CDH13: variants seen among roughly 807,000 people sequenced by gnomAD.
CDH13 encodes the protein cadherin-13.
Under a neutral mutation model 63.8 loss-of-function variants are expected in CDH13, and 24 were observed. That is an observed-to-expected ratio of 0.38 (90% CI 0.27 to 0.53). CDH13 has a LOEUF of 0.53. CDH13 is among the 20% of genes least tolerant of loss of function. The pLI is 0.85. For synonymous variants in CDH13, 503 were observed against 355.3 expected, an observed-to-expected ratio of 1.42 and a Z score of -4.67; for missense variants, 1,049 against 903.1, an observed-to-expected ratio of 1.16 and a Z score of -2.07.
At chr16:83,117,115 A>G (rs939607498) in intron 3 of CDH13, among the ~76,000 whole-genome samples, 4 of 152,236 alleles carry the variant, frequency 2.6e-5, no homozygotes, top group African/African-American at 9.6e-5. Context: ...TATTCTCCAC[A>G]AAGCAGCTAT....
chr16:83,226,794 C>T (rs1320245404), intron 5 of CDH13, among the ~76,000 whole-genome samples: 3 of 152,184 alleles, frequency 2.0e-5, no homozygotes, highest in African/African-American at 7.2e-5. Flanking sequence ...GATTCCCTGG[C>T]TATGACGAGC....
chr16:83,700,188 C>T (rs1906008408), intron 10 of CDH13, among the ~76,000 whole-genome samples: 1 of 152,144 alleles, frequency 6.6e-6, no homozygotes, highest in South Asian at 2.1e-4. Context: ...AAAGTATGCC[C>T]TCTTTTTTGT....
chr16:83,735,830 G>A (rs778985749), intron 10 of CDH13: 66 of 152,202 alleles, frequency 4.3e-4, no homozygotes, highest in African/African-American at 1.6e-3. Context: ...TATAGGCCTG[G>A]TCGGGAGTTC....
chr16:82,674,303 C>T (rs1353309979), intron 1 of CDH13, among the ~76,000 whole-genome samples: 1 of 152,158 alleles, frequency 6.6e-6, no homozygotes, highest in Non-Finnish European at 1.5e-5. Flanking sequence ...ATGAAGATCC[C>T]TTTCTTCAGG....
intron 4 of CDH13, among the ~76,000 whole-genome samples, chr16:83,163,997 CAT>C (rs1311474891): frequency 1.3e-5 from 2 of 151,956 alleles, no homozygotes; most frequent in Non-Finnish European, 2.9e-5. Context: ...ATTTTGCAAA[CAT>C]TATCTAATTT....
intron 1 of CDH13, among the ~76,000 whole-genome samples, chr16:82,817,424 G>A (rs1171426186): frequency 6.6e-6 from 1 of 152,124 alleles, no homozygotes; most frequent in African/African-American, 2.4e-5. Context: ...TACCTCCAAG[G>A]AGAAGGGATG....
intron 5 of CDH13, among the ~76,000 whole-genome samples, chr16:83,316,468 G>T (rs139971750): frequency 6.6e-6 from 1 of 152,320 alleles, no homozygotes; most frequent in African/African-American, 2.4e-5. Context: ...TACCGCTAGA[G>T]CTGGAGATCA....
chr16:82,903,639 G>T (rs138315899), intron 2 of CDH13, among the ~76,000 whole-genome samples: 1 of 152,070 alleles, frequency 6.6e-6, no homozygotes, highest in Non-Finnish European at 1.5e-5. Context: ...TTTAATTGCC[G>T]TGGAAACTTT....
At chr16:82,975,914 C>G (rs1267854849) in intron 2 of CDH13, among the ~76,000 whole-genome samples, 1 of 152,094 alleles carries the variant, frequency 6.6e-6, no homozygotes, top group African/African-American at 2.4e-5. Flanking sequence ...TTACTGACAT[C>G]TCTCCTCCAA....
At chr16:83,570,824 AAAT>A (rs1350465606) in intron 7 of CDH13, among the ~76,000 whole-genome samples, 1 of 117,200 alleles carries the variant, frequency 8.5e-6, no homozygotes, top group East Asian at 2.5e-4. Flanking sequence ...TTATAAATAT[AAAT>A]AAAAATTTAT....
chr16:83,536,386 A>T (rs1403872630), intron 7 of CDH13, among the ~76,000 whole-genome samples: 1 of 152,126 alleles, frequency 6.6e-6, no homozygotes, highest in South Asian at 2.1e-4. Context: ...TGTGGACGTG[A>T]TCCTTGGGGT....
At chr16:83,573,006 C>G (rs1904784664) in intron 7 of CDH13, among the ~76,000 whole-genome samples, 1 of 152,112 alleles carries the variant, frequency 6.6e-6, no homozygotes, top group South Asian at 2.1e-4. Context: ...TCTTTTTAGG[C>G]CTTGAACACG....
At chr16:83,283,056 A>G (rs558863040) in intron 5 of CDH13, among the ~76,000 whole-genome samples, 29 of 152,354 alleles carry the variant, frequency 1.9e-4, no homozygotes, top group African/African-American at 7.0e-4. Context: ...TTAGAAGAAG[A>G]AAAGTTCCCA....
chr16:83,663,305 A>C (rs893061261), intron 8 of CDH13, among the ~76,000 whole-genome samples: 1 of 152,152 alleles, frequency 6.6e-6, no homozygotes, highest in Non-Finnish European at 1.5e-5. Context: ...CAAATGTTTT[A>C]TGGATTATGC....
rs1271676099 is a variant in CDH13, at chr16:83,500,225, T to TTTC, written c.960+13575_960+13577dup. ...ACATTTGAATTCAGACACTAGTTTC[T>TTTC]TTCTTCTCCTTCTTCTTCTTCTTCT... On this transcript the variant is annotated intron_variant, in intron 7 of 13. Transcript: ENST00000567109. 1.9e-4 allele frequency among the ~76,000 whole-genome samples: 6 copies of TTTC among 31,538 alleles called. 2 individuals carry two copies. The highest frequency in any genetic ancestry group is 3.4e-4 in the African/African-American group (3 of 8,838). The allele number at this position is 31,538 out of a possible 152,430, so 20.7% of individuals were successfully genotyped here. A position where few individuals can be genotyped will look rare whatever the true frequency, so the allele number is the denominator to read the frequency against.
At chr16:83,141,572 A>T (rs768192345) in intron 4 of CDH13, among the ~76,000 whole-genome samples, 1 of 152,150 alleles carries the variant, frequency 6.6e-6, no homozygotes. Flanking sequence ...ACATAGGTAT[A>T]CATGTGCCAT....
At chr16:82,665,440 A>G (rs1454148820) in intron 1 of CDH13, among the ~76,000 whole-genome samples, 1 of 152,224 alleles carries the variant, frequency 6.6e-6, no homozygotes, top group African/African-American at 2.4e-5. Context: ...CCAGAGGCTC[A>G]CAGGAACCTA....
intron 5 of CDH13, among the ~76,000 whole-genome samples, chr16:83,299,327 T>C (rs2089678153): frequency 6.6e-6 from 1 of 151,686 alleles, no homozygotes; most frequent in Admixed American, 6.6e-5. Context: ...CCCAGAACAT[T>C]ATAAGGAAAT....
At chr16:83,454,354 GTTTGA>G (rs1405675374) in intron 6 of CDH13, among the ~76,000 whole-genome samples, 1 of 152,212 alleles carries the variant, frequency 6.6e-6, no homozygotes, top group Non-Finnish European at 1.5e-5. Flanking sequence ...CAAAGTGACA[GTTTGA>G]TTTACCTTTT....
Sources: gnomAD v4.1 joint callset for allele counts (sites outside exome capture counted in the v4.1 genomes callset) on GRCh38, gnomAD v4.1.1 for gene constraint, MANE v1.5 for transcripts, NCBI Gene and HGNC (gene_info 2026-07-23, HGNC 2026-07-21) for gene names.